The following PTPRG variants were observed in gnomAD, a reference collection of about 807,000 sequenced individuals.
PTPRG encodes the protein receptor-type tyrosine-protein phosphatase gamma.
A neutral mutation model predicts 165.3 loss-of-function variants in PTPRG; 102 were observed. That is an observed-to-expected ratio of 0.62 (90% CI 0.53 to 0.73). The LOEUF (loss-of-function observed/expected upper bound fraction) is 0.73, where lower values mean the gene tolerates loss of function less well. PTPRG is among the 30% of genes least tolerant of loss of function. PTPRG has a pLI of 0.00. For missense variants in PTPRG, 1,866 were observed against 1,861.4 expected, an observed-to-expected ratio of 1.00 and a Z score of -0.05; for synonymous variants, 675 against 669.5, an observed-to-expected ratio of 1.01 and a Z score of -0.13.
chr3:61,854,047 T>G (rs999624340), intron 2 of PTPRG, among the ~76,000 whole-genome samples: 1 of 152,120 alleles, frequency 6.6e-6, no homozygotes, highest in African/African-American at 2.4e-5. Context: ...CGGTGGCCAT[T>G]CAAAAGAGAA....
intron 2 of PTPRG, among the ~76,000 whole-genome samples, chr3:61,879,260 A>G (rs954198886): frequency 1.1e-4 from 17 of 152,168 alleles, no homozygotes; most frequent in African/African-American, 3.4e-4. Flanking sequence ...ATTTCTTGCT[A>G]TGCTTCTAGG....
At chr3:61,978,551 G>A (rs9853099) in intron 2 of PTPRG, among the ~76,000 whole-genome samples, 70,322 of 152,014 alleles carry the variant, frequency 0.46, 17,078 homozygotes, top group African/African-American at 0.63. Context: ...CAATTCTTTC[G>A]TATTATAAAC....
chr3:61,641,917 G>C (rs17065141), intron 1 of PTPRG, among the ~76,000 whole-genome samples: 4,421 of 152,164 alleles, frequency 0.029, 93 homozygotes, highest in East Asian at 0.064. Flanking sequence ...CTGTGGGCTG[G>C]TGCACATTTA....
At chr3:61,641,040 G>T (rs570917616) in intron 1 of PTPRG, among the ~76,000 whole-genome samples, 6 of 152,142 alleles carry the variant, frequency 3.9e-5, no homozygotes, top group Admixed American at 1.3e-4. Context: ...GTCCAGGCAG[G>T]TTATCTTCTA....
chr3:61,805,935 G>A (rs905953685), intron 2 of PTPRG, among the ~76,000 whole-genome samples: 2 of 152,100 alleles, frequency 1.3e-5, no homozygotes, highest in Non-Finnish European at 2.9e-5. Flanking sequence ...TATGTTGTGG[G>A]CTGTGTTTTC....
At chr3:62,086,162 T>C (rs1575985015) in intron 5 of PTPRG, among the ~76,000 whole-genome samples, 1 of 152,332 alleles carries the variant, frequency 6.6e-6, no homozygotes, top group East Asian at 1.9e-4. Flanking sequence ...TAAAGTATAA[T>C]TCATTCCTTT....
chr3:62,170,561 A>G (rs1054829422), intron 8 of PTPRG, among the ~76,000 whole-genome samples: 1 of 152,186 alleles, frequency 6.6e-6, no homozygotes, highest in South Asian at 2.1e-4. Context: ...TAAATTGTCA[A>G]AGTAGGCACG....
At position 61,672,085 on chromosome 3, in the gene PTPRG, C is replaced by T. The variant is rs544556673; in HGVS notation, c.86-76793C>T. Among the ~76,000 whole-genome samples, 981 of 147,776 alleles carry T rather than the reference C, an allele frequency of 6.6e-3. 2 individuals carry two copies. Among genetic ancestry groups the T allele is most frequent in the Admixed American group, 0.013 (194 of 14,912 alleles). On this transcript the variant is annotated intron_variant, in intron 1 of 29. Coordinates refer to ENST00000474889, the MANE Select transcript of PTPRG (RefSeq NM_002841.4). Reference sequence around the variant, plus strand: ...GACGCTCCTCACATCCCGGACGGGGCAGCAGGGCAGAGGTGCTCCCCACAT... The same window carrying T: ...GACGCTCCTCACATCCCGGACGGGGTAGCAGGGCAGAGGTGCTCCCCACAT...
chr3:62,137,090 C>T (rs763518960), intron 6 of PTPRG, among the ~76,000 whole-genome samples: 1 of 152,184 alleles, frequency 6.6e-6, no homozygotes, highest in East Asian at 1.9e-4. Context: ...TCCCATCTAT[C>T]TACTCATGCA....
intron 1 of PTPRG, 100 bp downstream of exon 1, chr3:61,562,472 C>A (rs941726942): frequency 1.7e-6 from 2 of 1,161,396 alleles, no homozygotes; most frequent in Non-Finnish European, 2.5e-6. Context: ...TCCGGGAGAC[C>A]CTGGAGAGGG....
intron 2 of PTPRG, among the ~76,000 whole-genome samples, chr3:61,823,810 C>T (rs370196971): frequency 1.3e-5 from 2 of 152,142 alleles, no homozygotes; most frequent in Non-Finnish European, 2.9e-5. Context: ...AGCAAATATA[C>T]TGATAATAAA....
intron 4 of PTPRG, among the ~76,000 whole-genome samples, chr3:62,017,833 G>A (rs1043493427): frequency 1.3e-5 from 2 of 152,128 alleles, no homozygotes; most frequent in Non-Finnish European, 2.9e-5. Context: ...TGAGGCCCAC[G>A]TTTTTGAGAG....
In PTPRG at chr3:62,271,283, G is replaced by C; in HGVS notation, c.3010-100G>C. The C allele has an allele frequency of 9.8e-7, 1 of 1,017,830 alleles. No individual in the cohort carries two copies. Among genetic ancestry groups the C allele is most frequent in the Non-Finnish European group, 1.4e-6 (1 of 696,810 alleles). 63.0% of individuals were successfully genotyped at this position (1,017,830 alleles called of 1,614,324 possible). On this transcript the variant is annotated intron_variant, in intron 20 of 29. Transcript: ENST00000474889. This position sits in a 1 kb window ranked among gnomAD's most constrained non-coding sequence, Gnocchi z 4.1. ...CTAGCCTGGGAACAGTGATTAGGGT[G>C]AATGTGATCAGTGGTCATGTGTCCT... is the stretch of plus-strand genomic sequence containing the variant.
intron 1 of PTPRG, among the ~76,000 whole-genome samples, chr3:61,738,603 T>TGGTGCGA (rs1575621905): frequency 6.6e-6 from 1 of 151,174 alleles, no homozygotes; most frequent in East Asian, 2.0e-4. Flanking sequence ...TGGAGTGCAG[T>TGGTGCGA]GGTGCGATCT....
Position 61,592,719 on chromosome 3 carries a change from C to T in PTPRG, c.85+30347C>T, listed in dbSNP as rs554107539. ...GACTCTCTCAATATTCACCCTGTCT[C>T]TGAAAATCACCCTCCCACCTCCTTG... On this transcript the variant is annotated intron_variant, in intron 1 of 29. Coordinates refer to ENST00000474889, the MANE Select transcript of PTPRG (RefSeq NM_002841.4). Among the ~76,000 whole-genome samples the T allele has an allele frequency of 1.0e-3, 148 of 147,132 alleles. No individual in the cohort carries two copies. The Middle Eastern group carries it at 0.033, about 33-fold the overall frequency.
At position 62,229,693 on chromosome 3, in the gene PTPRG, T is replaced by G. The variant is rs1444514503; in HGVS notation, c.2289-1532T>G. Among the ~76,000 whole-genome samples, 1 of 152,212 alleles carries G rather than the reference T, an allele frequency of 6.6e-6. No individual in the cohort carries two copies. Among genetic ancestry groups the G allele is most frequent in the Non-Finnish European group, 1.5e-5 (1 of 68,038 alleles). On this transcript the variant is annotated intron_variant, in intron 13 of 29. Transcript: ENST00000474889. The surrounding 1 kb of genome is among the most constrained non-coding windows in gnomAD (Gnocchi z 4.6). ...AACTGTCTTCTCCCCCCGGGGTTAA[T>G]TATGTCTGTTCTGCTGGTTTGCTCA...
intron 5 of PTPRG, among the ~76,000 whole-genome samples, chr3:62,129,803 G>A (rs1316175600): frequency 6.6e-6 from 1 of 152,136 alleles, no homozygotes; most frequent in Non-Finnish European, 1.5e-5. Flanking sequence ...CAAGATCAGA[G>A]TATCTGAGAA....
At chr3:62,057,987 A>G (rs981823628) in intron 4 of PTPRG, among the ~76,000 whole-genome samples, 2 of 152,250 alleles carry the variant, frequency 1.3e-5, no homozygotes, top group Non-Finnish European at 2.9e-5. Context: ...ATAAAGCCCA[A>G]TACTCTAACC....
chr3:61,567,570 A>G (rs1470280922), intron 1 of PTPRG, among the ~76,000 whole-genome samples: 2 of 149,328 alleles, frequency 1.3e-5, no homozygotes, highest in African/African-American at 2.5e-5. Context: ...GGAGGCCAAG[A>G]TGGGAGGATT....
Sources: allele counts gnomAD v4.1 joint callset (sites outside exome capture counted in the v4.1 genomes callset), GRCh38; gene constraint gnomAD v4.1.1; non-coding constraint Gnocchi (gnomAD v3.1); transcripts MANE v1.5; gene names NCBI Gene and HGNC (gene_info 2026-07-23, HGNC 2026-07-21).